Variants in LRP1B observed in about 807,000 individuals in gnomAD.
LRP1B encodes the protein low-density lipoprotein receptor-related protein 1B.
A neutral mutation model predicts 556.6 loss-of-function variants in LRP1B; 217 were observed. The observed-to-expected ratio is 0.39, with a 90% confidence interval of 0.35 to 0.44. LRP1B has a LOEUF of 0.44. LRP1B is among the 20% of genes least tolerant of loss of function. The pLI is 1.00. For missense variants in LRP1B, 5,053 were observed against 5,620.8 expected (o/e 0.90, Z 3.23); for synonymous variants, 2,047 against 1,865.8 (o/e 1.10, Z -2.50).
chr2:140,565,156 C>T lies in LRP1B; in HGVS notation c.7195-23185G>A, dbSNP rs191132653. Among the ~76,000 whole-genome samples the T allele has an allele frequency of 1.9e-3, 279 of 147,622 alleles. 3 individuals are homozygous for T. Among genetic ancestry groups the T allele is most frequent in the Admixed American group, 4.2e-3 (62 of 14,780 alleles). ...TCCATATTCCTCTAATTGTTTATTA[C>T]GTAATAATATATAATATATATTTTA... is the stretch of plus-strand genomic sequence containing the variant. On this transcript the variant is annotated intron_variant, in intron 43 of 90. Transcript: ENST00000389484.
Position 141,679,185 on chromosome 2 carries a change from C to T in LRP1B, c.205+131094G>A, listed in dbSNP as rs545349356. 2.4e-3 allele frequency among the ~76,000 whole-genome samples: 361 copies of T among 152,156 alleles called. 1 individual carries two copies. Among genetic ancestry groups the T allele is most frequent in the Non-Finnish European group, 4.4e-3 (299 of 67,998 alleles). ...GAGACTGAATCCTGGTAATAACACA[C>T]GAGTAAGCCTGGGTGAATCTCCCCC... On this transcript the variant is annotated intron_variant, in intron 2 of 90. Transcript: ENST00000389484.
At chr2:141,981,511 C>A (rs1329929488) in intron 1 of LRP1B, among the ~76,000 whole-genome samples, 1 of 152,202 alleles carries the variant, frequency 6.6e-6, no homozygotes, top group African/African-American at 2.4e-5. Context: ...GAATCACTCC[C>A]TTACAGTCTT....
At chr2:142,088,991 A>AG (rs1296374999) in intron 1 of LRP1B, among the ~76,000 whole-genome samples, 6 of 39,904 alleles carry the variant, frequency 1.5e-4, no homozygotes, top group African/African-American at 4.1e-4. Context: ...AAAAAAAAAA[A>AG]AAAAAGAAAA....
At chr2:140,296,133 C>T (rs918635193) in intron 84 of LRP1B, among the ~76,000 whole-genome samples, 1 of 152,104 alleles carries the variant, frequency 6.6e-6, no homozygotes, top group African/African-American at 2.4e-5. Context: ...ATTCCAATAT[C>T]CAACAGTTTT....
chr2:140,626,861 A>G (rs1053788048), intron 41 of LRP1B, among the ~76,000 whole-genome samples: 1 of 152,162 alleles, frequency 6.6e-6, no homozygotes, highest in Non-Finnish European at 1.5e-5. Flanking sequence ...AATGCAATAT[A>G]TGAATATCAG....
At chr2:141,241,327 G>A (rs1224762820) in intron 5 of LRP1B, among the ~76,000 whole-genome samples, 2 of 152,074 alleles carry the variant, frequency 1.3e-5, no homozygotes, top group Non-Finnish European at 2.9e-5. Context: ...GTAGTACAGA[G>A]GCTTATTCAG....
chr2:141,464,604 A>T (rs190473034), intron 3 of LRP1B, among the ~76,000 whole-genome samples: 32,951 of 72,568 alleles, frequency 0.45, 6,565 homozygotes, highest in East Asian at 0.69. Flanking sequence ...ATATATATAT[A>T]TATTTTTTTA....
intron 3 of LRP1B, among the ~76,000 whole-genome samples, chr2:141,379,803 A>T (rs1689571767): frequency 6.6e-6 from 1 of 152,138 alleles, no homozygotes; most frequent in Non-Finnish European, 1.5e-5. Flanking sequence ...TACCTGCCAC[A>T]GCTTTTCCCC....
At chr2:140,505,501 T>A (rs1689371450) in intron 53 of LRP1B, among the ~76,000 whole-genome samples, 1 of 152,234 alleles carries the variant, frequency 6.6e-6, no homozygotes, top group African/African-American at 2.4e-5. Context: ...TATGTTATTG[T>A]ACTATATTGA....
intron 3 of LRP1B, among the ~76,000 whole-genome samples, chr2:141,411,887 AT>A (rs959610500): frequency 2.6e-5 from 4 of 152,138 alleles, no homozygotes; most frequent in Non-Finnish European, 4.4e-5. Context: ...TGTGATAAGA[AT>A]TTTTTAAATC....
intron 7 of LRP1B, among the ~76,000 whole-genome samples, chr2:141,110,190 T>C (rs1700712708): frequency 6.6e-6 from 1 of 152,138 alleles, no homozygotes; most frequent in South Asian, 2.1e-4. Context: ...ATTTAGGGTA[T>C]AGGGACATAG....
chr2:141,677,571 A>G (rs941399886), intron 2 of LRP1B, among the ~76,000 whole-genome samples: 1 of 151,654 alleles, frequency 6.6e-6, no homozygotes, highest in Non-Finnish European at 1.5e-5. Context: ...TTCACCGCAA[A>G]CTCCACCTCT....
chr2:141,617,029 C>G (rs773219584), intron 2 of LRP1B, among the ~76,000 whole-genome samples: 9 of 152,174 alleles, frequency 5.9e-5, no homozygotes, highest in Non-Finnish European at 1.0e-4. Context: ...TCTGCCATGC[C>G]TTCACCAACT....
At chr2:140,917,713 C>G (rs149119725) in intron 21 of LRP1B, among the ~76,000 whole-genome samples, 2 of 151,878 alleles carry the variant, frequency 1.3e-5, no homozygotes, top group Non-Finnish European at 2.9e-5. Flanking sequence ...AGGCAGGGTA[C>G]GAAAGATTTT....
intron 69 of LRP1B, among the ~76,000 whole-genome samples, 163 bp downstream of exon 69, chr2:140,372,845 A>T (rs1317963411): frequency 6.6e-6 from 1 of 152,186 alleles, no homozygotes; most frequent in African/African-American, 2.4e-5. Flanking sequence ...TTCAAAACAT[A>T]TGAAGCACAC....
intron 7 of LRP1B, among the ~76,000 whole-genome samples, chr2:141,103,627 A>G (rs1700523720): frequency 2.0e-5 from 3 of 151,608 alleles, no homozygotes; most frequent in African/African-American, 7.3e-5. Context: ...TTTCTTTGCC[A>G]ATAGACAACA....
At chr2:140,640,378 G>GTTTTT (rs1684241670) in intron 41 of LRP1B, among the ~76,000 whole-genome samples, 1 of 61,118 alleles carries the variant, frequency 1.6e-5, no homozygotes, top group African/African-American at 6.0e-5. Flanking sequence ...CCCTTGTCCT[G>GTTTTT]TTTTCTTTTT....
At chr2:141,996,771 G>A (rs1018639455) in intron 1 of LRP1B, among the ~76,000 whole-genome samples, 7 of 146,616 alleles carry the variant, frequency 4.8e-5, no homozygotes, top group Admixed American at 2.1e-4. Flanking sequence ...CCAAGGATTC[G>A]CTCAAATAGT....
At chr2:141,134,391 G>C (rs61572718) in intron 7 of LRP1B, among the ~76,000 whole-genome samples, 14,687 of 151,604 alleles carry the variant, frequency 0.097, 1,021 homozygotes, top group African/African-American at 0.19. Flanking sequence ...CTCCTACTTG[G>C]TATAAAACAC....
Sources: allele counts gnomAD v4.1 joint callset (sites outside exome capture counted in the v4.1 genomes callset), GRCh38; gene constraint gnomAD v4.1.1; transcripts MANE v1.5; gene names NCBI Gene and HGNC (gene_info 2026-07-23, HGNC 2026-07-21).